RALYL: variants seen among roughly 807,000 people sequenced by gnomAD.
RALYL encodes RALY RNA binding protein like.
In RALYL, 29 loss-of-function variants were observed where a neutral mutation model predicts 35.1. The observed-to-expected ratio is 0.83, with a 90% CI of 0.61 to 1.13. The LOEUF is 1.13. Ranked by LOEUF, RALYL falls within the 50% of genes most tolerant of loss-of-function variation. The pLI is 0.00. For missense variants in RALYL, 359 were observed against 360.4 expected (o/e 1.00, Z 0.03); for synonymous variants, 120 against 127.6 (o/e 0.94, Z 0.40).
intron 4 of RALYL, among the ~76,000 whole-genome samples, chr8:84,846,533 A>G (rs1047369418): frequency 1.3e-5 from 2 of 152,140 alleles, no homozygotes; most frequent in Non-Finnish European, 2.9e-5. Flanking sequence ...TCATAGAGTG[A>G]GTTAGAGAGA....
intron 2 of RALYL, among the ~76,000 whole-genome samples, chr8:84,551,253 T>A (rs2135429736): frequency 6.6e-6 from 1 of 152,208 alleles, no homozygotes; most frequent in Admixed American, 6.5e-5. Flanking sequence ...TATGTCAAGT[T>A]TCTTTAACAA....
chr8:84,212,903 C>T (rs1259301998), intron 1 of RALYL, among the ~76,000 whole-genome samples: 1 of 151,958 alleles, frequency 6.6e-6, no homozygotes, highest in African/African-American at 2.4e-5. Context: ...AATGACAGTT[C>T]AGTCATAAAT....
intron 8 of RALYL, among the ~76,000 whole-genome samples, chr8:84,902,432 T>C (rs1406397553): frequency 6.6e-6 from 1 of 152,128 alleles, no homozygotes; most frequent in African/African-American, 2.4e-5. Flanking sequence ...CCCACCTCCA[T>C]TACTGGGGAT....
rs546077688 is a variant in RALYL at position 84,909,838 on chromosome 8, T to A, written c.859-11056T>A. Among the ~76,000 whole-genome samples, 35 of 152,230 alleles carry A rather than the reference T, an allele frequency of 2.3e-4. No homozygotes were observed. In the South Asian group the frequency reaches 6.8e-3, roughly 30 times the overall value. ...GCATGTAAGTTTTTAACTAAATAAG[T>A]TAAGCCTCAAAGTCTTACTGCCAAG... On this transcript the variant is annotated intron_variant, in intron 8 of 8. Coordinates refer to ENST00000521268, the MANE Select transcript of RALYL (RefSeq NM_173848.7).
intron 2 of RALYL, among the ~76,000 whole-genome samples, chr8:84,695,122 A>C (rs28562454): frequency 0.29 from 44,249 of 151,458 alleles, 7,174 homozygotes; most frequent in African/African-American, 0.43. Context: ...TTTCTTTTTT[A>C]CATTTTCTGA....
intron 1 of RALYL, among the ~76,000 whole-genome samples, chr8:84,246,825 A>C (rs1586515348): frequency 6.6e-6 from 1 of 152,278 alleles, no homozygotes; most frequent in Admixed American, 6.5e-5. Flanking sequence ...CACACCAATA[A>C]GTAAAACAAC....
chr8:84,855,427 T>C (rs16913366), intron 5 of RALYL, among the ~76,000 whole-genome samples: 2,073 of 152,366 alleles, frequency 0.014, 50 homozygotes, highest in African/African-American at 0.047. Context: ...CTTTACACAA[T>C]GTTCCACCTT....
chr8:84,547,894 GT>G (rs1244108762), intron 2 of RALYL, among the ~76,000 whole-genome samples: 1 of 152,078 alleles, frequency 6.6e-6, no homozygotes. Context: ...TTGACTTTTA[GT>G]ATATTCCCCA....
At chr8:84,553,148 T>A (rs546682626) in intron 2 of RALYL, among the ~76,000 whole-genome samples, 3 of 152,302 alleles carry the variant, frequency 2.0e-5, no homozygotes, top group African/African-American at 7.2e-5. Flanking sequence ...AGACTCCACT[T>A]CTTTCACTTC....
chr8:84,372,900 T>TGTTTTG (rs1856146460), intron 1 of RALYL, among the ~76,000 whole-genome samples: 1 of 130,430 alleles, frequency 7.7e-6, no homozygotes, highest in South Asian at 2.3e-4. Context: ...TTTTTTTTTT[T>TGTTTTG]TTTTTTTTTT....
chr8:84,256,040 C>T (rs956099577), intron 1 of RALYL, among the ~76,000 whole-genome samples: 5 of 152,022 alleles, frequency 3.3e-5, no homozygotes, highest in African/African-American at 1.2e-4. Context: ...AAACAATTTG[C>T]ACAATTACAG....
intron 8 of RALYL, among the ~76,000 whole-genome samples, chr8:84,893,336 AAAC>A (rs927975495): frequency 1.3e-5 from 2 of 152,206 alleles, no homozygotes; most frequent in African/African-American, 4.8e-5. Context: ...TAAAAAATAA[AAAC>A]TACTGGAAAC....
chr8:84,843,294 A>G (rs1224677025), intron 4 of RALYL, among the ~76,000 whole-genome samples: 6 of 152,188 alleles, frequency 3.9e-5, no homozygotes, highest in African/African-American at 1.4e-4. Context: ...TCAATGTACA[A>G]AAATCACAAG....
chr8:84,515,472 T>C (rs2057987657), intron 1 of RALYL, among the ~76,000 whole-genome samples: 1 of 152,166 alleles, frequency 6.6e-6, no homozygotes, highest in South Asian at 2.1e-4. Context: ...GTTCCTAAAA[T>C]TTGTGAAAAG....
At chr8:84,839,354 T>C (rs554459816) in intron 4 of RALYL, among the ~76,000 whole-genome samples, 50 of 152,332 alleles carry the variant, frequency 3.3e-4, no homozygotes, top group African/African-American at 1.1e-3. Flanking sequence ...CCTACGCTCA[T>C]GGAGCCTCGC....
chr8:84,506,395 G>A (rs201633550), intron 1 of RALYL, among the ~76,000 whole-genome samples: 8 of 69,386 alleles, frequency 1.2e-4, no homozygotes, highest in African/African-American at 4.5e-4. Context: ...ACATCCATAA[G>A]TTAATTCATA....
At chr8:84,855,136 T>C (rs1836714148) in intron 5 of RALYL, among the ~76,000 whole-genome samples, 1 of 152,162 alleles carries the variant, frequency 6.6e-6, no homozygotes, top group African/African-American at 2.4e-5. Context: ...AGGTCCCTTT[T>C]CCTTGCTCCA....
chr8:84,881,875 C>CT (rs770336163), intron 7 of RALYL, among the ~76,000 whole-genome samples: 3 of 151,758 alleles, frequency 2.0e-5, no homozygotes, highest in Non-Finnish European at 4.4e-5. Flanking sequence ...ATTAGGCCTT[C>CT]TTTTTTTAGA....
intron 1 of RALYL, among the ~76,000 whole-genome samples, chr8:84,265,906 T>C (rs1378232747): frequency 6.6e-6 from 1 of 152,202 alleles, no homozygotes; most frequent in Non-Finnish European, 1.5e-5. Flanking sequence ...TCCCTTTCTT[T>C]CCTTTCCTGT....
Sources: allele counts gnomAD v4.1 joint callset (sites outside exome capture counted in the v4.1 genomes callset), GRCh38; gene constraint gnomAD v4.1.1; transcripts MANE v1.5; gene names NCBI Gene and HGNC (gene_info 2026-07-23, HGNC 2026-07-21).